The following CACUL1 variants were observed in gnomAD, a reference collection of about 807,000 sequenced individuals.
The protein encoded by CACUL1 is CDK2 associated cullin domain 1, also known as CDK2-associated and cullin domain-containing protein 1.
CACUL1 carries 13 observed loss-of-function variants against 45.2 expected under a neutral mutation model. That is an observed-to-expected ratio of 0.29 (90% confidence interval 0.19 to 0.46). The LOEUF (loss-of-function observed/expected upper bound fraction) is 0.46, where lower values mean the gene tolerates loss of function less well. Ranked by LOEUF, CACUL1 falls within the 20% of genes least tolerant of loss-of-function variation. The pLI is 1.00. For synonymous variants in CACUL1, 197 were observed against 174.2 expected, an observed-to-expected ratio of 1.13 and a Z score of -1.03; for missense variants, 421 against 471.4, an observed-to-expected ratio of 0.89 and a Z score of 0.99.
chr10:118,738,164 G>A (rs1192670080), intron 1 of CACUL1, among the ~76,000 whole-genome samples: 1 of 152,196 alleles, frequency 6.6e-6, no homozygotes, highest in African/African-American at 2.4e-5. Context: ...AGGCCCCTGA[G>A]AAGATCAGGA....
At chr10:118,725,036 G>T (rs1204051659) in intron 3 of CACUL1, among the ~76,000 whole-genome samples, 1 of 152,088 alleles carries the variant, frequency 6.6e-6, no homozygotes, top group Non-Finnish European at 1.5e-5. Context: ...ATTATTTACT[G>T]AATTGGTAAA....
chr10:118,746,981 C>T (rs1845848592), intron 1 of CACUL1, among the ~76,000 whole-genome samples: 2 of 152,156 alleles, frequency 1.3e-5, no homozygotes, highest in Admixed American at 6.5e-5. Flanking sequence ...TGTGGGCCGG[C>T]GAGCATTACC....
At chr10:118,719,235 T>C (rs906111918) in intron 3 of CACUL1, among the ~76,000 whole-genome samples, 5 of 152,212 alleles carry the variant, frequency 3.3e-5, no homozygotes, top group Non-Finnish European at 7.3e-5. Context: ...TTTATTCCTA[T>C]AATAAGTACA....
chr10:118,736,977 T>C (rs1296080265), intron 1 of CACUL1, among the ~76,000 whole-genome samples: 4 of 152,146 alleles, frequency 2.6e-5, no homozygotes, highest in African/African-American at 9.7e-5. Flanking sequence ...AAGTGTGTAG[T>C]GGGCTTATAC....
chr10:118,715,745 A>C (rs368935239), intron 3 of CACUL1, among the ~76,000 whole-genome samples: 2 of 152,174 alleles, frequency 1.3e-5, no homozygotes, highest in Non-Finnish European at 2.9e-5. Context: ...CATGAAAAAA[A>C]TTAAGAATAT....
chr10:118,747,372 C>G (rs1247128922), intron 1 of CACUL1, among the ~76,000 whole-genome samples: 1 of 151,944 alleles, frequency 6.6e-6, no homozygotes. Context: ...TAAAGTTAAA[C>G]GTATCAGTAA....
intron 3 of CACUL1, among the ~76,000 whole-genome samples, chr10:118,713,022 C>T (rs537261498): frequency 2.4e-4 from 36 of 152,224 alleles, no homozygotes; most frequent in Non-Finnish European, 8.8e-5. Context: ...CCATTCATGG[C>T]GCCCAGGCTG....
At position 118,678,292 on chromosome 10, in the gene CACUL1, G is replaced by C. The variant is rs1845116645; in HGVS notation, c.*7836C>G. 1 of 152,132 alleles carries C rather than the reference G, an allele frequency of 6.6e-6. No individual in the cohort carries two copies. Among genetic ancestry groups the C allele is most frequent in the African/African-American group, 2.4e-5 (1 of 41,414 alleles). The allele number at this position is 152,132 out of a possible 1,614,324, so 9.4% of individuals were successfully genotyped here. ...TGGTAATAAGTACTTACAATCAATG[G>C]TAGCCAAATTACTTATCTACTGATA... is the stretch of plus-strand genomic sequence containing the variant. On this transcript the variant is annotated 3_prime_UTR_variant, in exon 9 of 9. Coordinates refer to ENST00000369151, the MANE Select transcript of CACUL1 (RefSeq NM_153810.5).
Position 118,754,671 on chromosome 10 carries a change from C to T in CACUL1, c.92G>A (p.Gly31Asp). Residue 31 changes from glycine (G) to aspartate (D), a missense_variant, in exon 1 of 9, where the codon GGC (glycine) becomes GAC (aspartate). Coordinates refer to ENST00000369151, the MANE Select transcript of CACUL1 (RefSeq NM_153810.5). ...CGGAGGTGGCAGGGGCTGCCGGAAG[C>T]CGTCCACCGCAGCCTCCCAGTTGTT... is the stretch of plus-strand genomic sequence containing the variant. ...NHNNWEAAVDGFRQPLPPPPP... is the reference protein window; with the variant it reads ...NHNNWEAAVDDFRQPLPPPPP... 1 of 1,608,012 alleles carries T rather than the reference C, an allele frequency of 6.2e-7. No individual in the cohort carries two copies. The highest frequency in any genetic ancestry group is 8.5e-7 in the Non-Finnish European group (1 of 1,177,720).
rs1845144334 is a variant in CACUL1, at chr10:118,680,656, G to A, written c.*5472C>T. Reference sequence around the variant, plus strand: ...TCCAAAAGTTGATTAAAGGTCCACAGAAGAAACTGTACAGTGTTTAAAAAA... The same window carrying A: ...TCCAAAAGTTGATTAAAGGTCCACAAAAGAAACTGTACAGTGTTTAAAAAA... On this transcript the variant is annotated 3_prime_UTR_variant, in exon 9 of 9. Coordinates refer to ENST00000369151, the MANE Select transcript of CACUL1 (RefSeq NM_153810.5). The A allele has an allele frequency of 6.6e-6, 1 of 152,204 alleles. No individual in the cohort carries two copies. Among genetic ancestry groups the A allele is most frequent in the African/African-American group, 2.4e-5 (1 of 41,452 alleles). 9.4% of individuals were successfully genotyped at this position (152,204 alleles called of 1,614,324 possible).
chr10:118,734,909 A>G (rs932838225), intron 1 of CACUL1, among the ~76,000 whole-genome samples: 2 of 152,258 alleles, frequency 1.3e-5, no homozygotes, highest in Non-Finnish European at 2.9e-5. Context: ...TTGCTGATAA[A>G]CAGGAAACCA....
chr10:118,722,771 A>C (rs1027862395), intron 3 of CACUL1, among the ~76,000 whole-genome samples: 13 of 152,210 alleles, frequency 8.5e-5, no homozygotes, highest in Admixed American at 8.5e-4. Flanking sequence ...CATCAGGACC[A>C]AACGGAGGAC....
intron 1 of CACUL1, among the ~76,000 whole-genome samples, chr10:118,738,886 T>G (rs1845764924): frequency 3.1e-5 from 3 of 96,922 alleles, no homozygotes; most frequent in Non-Finnish European, 4.0e-5. Context: ...GTAATCCAAG[T>G]GCTCTTAAAA....
At chr10:118,700,553 T>C (rs770694726) in intron 5 of CACUL1, among the ~76,000 whole-genome samples, 12 of 151,782 alleles carry the variant, frequency 7.9e-5, no homozygotes, top group Non-Finnish European at 1.8e-4. Context: ...CCATCTCTAC[T>C]AAAAATAGAA....
chr10:118,715,386 A>G (rs1347388791), intron 3 of CACUL1, among the ~76,000 whole-genome samples: 6 of 152,214 alleles, frequency 3.9e-5, no homozygotes, highest in Non-Finnish European at 8.8e-5. Context: ...TTTGATGTAT[A>G]TTAATAATTT....
At chr10:118,726,361 A>G (rs1845651390) in intron 3 of CACUL1, 1 of 1,283,800 alleles carries the variant, frequency 7.8e-7, no homozygotes, top group East Asian at 5.6e-5. Context: ...TTAGTTACTC[A>G]GCATTCAGCC....
At chr10:118,745,291 C>T (rs963602319) in intron 1 of CACUL1, among the ~76,000 whole-genome samples, 1 of 152,140 alleles carries the variant, frequency 6.6e-6, no homozygotes. Flanking sequence ...GGCCCAGTGG[C>T]TCATGACTGT....
intron 1 of CACUL1, among the ~76,000 whole-genome samples, chr10:118,746,448 A>C (rs1462074880): frequency 6.6e-6 from 1 of 152,230 alleles, no homozygotes; most frequent in Non-Finnish European, 1.5e-5. Flanking sequence ...CACTATACAG[A>C]CATCAACTCA....
chr10:118,727,169 G>T (rs187740612), intron 3 of CACUL1, among the ~76,000 whole-genome samples: 1 of 152,058 alleles, frequency 6.6e-6, no homozygotes, highest in South Asian at 2.1e-4. Context: ...CTGGCAGATC[G>T]CTTGAGTCCA....
Sources: gnomAD v4.1 joint callset for allele counts (sites outside exome capture counted in the v4.1 genomes callset) on GRCh38, gnomAD v4.1.1 for gene constraint, MANE v1.5 for transcripts, NCBI Gene and HGNC (gene_info 2026-07-23, HGNC 2026-07-21) for gene names.